The following ANK2 variants were observed in gnomAD, a reference collection of about 807,000 sequenced individuals.
ANK2 encodes ankyrin 2.
Under a neutral mutation model 360.5 loss-of-function variants are expected in ANK2, and 83 were observed. The ratio of observed to expected loss-of-function variants is 0.23; its 90% CI spans 0.19 to 0.28. The LOEUF is 0.28. Ranked by LOEUF, ANK2 falls within the 10% of genes least tolerant of loss-of-function variation. The pLI, the probability that ANK2 is intolerant of heterozygous loss-of-function variation, is 1.00. For missense variants in ANK2, 4,201 were observed against 4,795.7 expected (o/e 0.88, Z 3.66); for synonymous variants, 1,740 against 1,759.5 (o/e 0.99, Z 0.28).
chr4:112,823,599 A>C (rs2057716066), intron 1 of ANK2, among the ~76,000 whole-genome samples: 1 of 151,668 alleles, frequency 6.6e-6, no homozygotes, highest in Non-Finnish European at 1.5e-5. Context: ...AAAGTTCAGT[A>C]AAGTGAATAG....
intron 32 of ANK2, among the ~76,000 whole-genome samples, chr4:113,339,585 A>G (rs1001177078): frequency 6.6e-6 from 1 of 152,214 alleles, no homozygotes; most frequent in Non-Finnish European, 1.5e-5. Context: ...TGACTTAGTC[A>G]GTAGCAGCTG....
intron 1 of ANK2, among the ~76,000 whole-genome samples, chr4:112,833,648 C>T (rs575030359): frequency 1.3e-5 from 2 of 152,194 alleles, no homozygotes; most frequent in South Asian, 2.1e-4. Context: ...GGACCACAGG[C>T]GCCCGACACC....
chr4:112,918,453 ACT>A (rs2151129369), intron 2 of ANK2, among the ~76,000 whole-genome samples: 1 of 152,210 alleles, frequency 6.6e-6, no homozygotes, highest in Admixed American at 6.5e-5. Context: ...ACCCACTCTC[ACT>A]CTGAAAGTAA....
At chr4:113,315,003 C>T (rs1017692684) in intron 24 of ANK2, among the ~76,000 whole-genome samples, 5 of 149,062 alleles carry the variant, frequency 3.4e-5, no homozygotes, top group African/African-American at 1.3e-4. Flanking sequence ...TGTACATATC[C>T]TAATATCTTT....
At chr4:113,192,719 A>G (rs532628209) in intron 2 of ANK2, among the ~76,000 whole-genome samples, 12 of 152,208 alleles carry the variant, frequency 7.9e-5, no homozygotes, top group African/African-American at 2.9e-4. Flanking sequence ...TATATGTAAA[A>G]TGTAAAATAT....
chr4:112,930,637 C>T (rs1030650989), intron 2 of ANK2, among the ~76,000 whole-genome samples: 1 of 151,762 alleles, frequency 6.6e-6, no homozygotes, highest in Non-Finnish European at 1.5e-5. Context: ...GCCTGTAATC[C>T]CAGGACTTTG....
At chr4:112,864,780 A>C (rs532674787) in intron 1 of ANK2, among the ~76,000 whole-genome samples, 201 of 151,214 alleles carry the variant, frequency 1.3e-3, no homozygotes, top group Non-Finnish European at 1.4e-3. Context: ...AGCCTGTAAT[A>C]CTAGCACTTT....
intron 14 of ANK2, among the ~76,000 whole-genome samples, chr4:113,268,583 T>A (rs1238751677): frequency 6.6e-6 from 1 of 152,216 alleles, no homozygotes; most frequent in East Asian, 1.9e-4. Flanking sequence ...CAGTCCTGCA[T>A]CCCAGGGATG....
chr4:113,024,999 T>C (rs903629552), intron 2 of ANK2, among the ~76,000 whole-genome samples: 5 of 152,158 alleles, frequency 3.3e-5, no homozygotes, highest in Non-Finnish European at 7.4e-5. Flanking sequence ...TAGGATACCA[T>C]TGATTCATTA....
At chr4:113,344,014 A>AATTTTCCAGCAG (rs1373360135) in intron 34 of ANK2, among the ~76,000 whole-genome samples, 2 of 152,058 alleles carry the variant, frequency 1.3e-5, no homozygotes, top group Non-Finnish European at 2.9e-5. Flanking sequence ...ACCTCTTATT[A>AATTTTCCAGCAG]AGTTTTTCCA....
In ANK2 at chr4:112,857,564, A is replaced by G. The variant is rs76752717; in HGVS notation, c.-40+39300A>G. 4.6e-3 allele frequency among the ~76,000 whole-genome samples: 698 copies of G among 152,330 alleles called. 6 individuals are homozygous for G. The highest frequency in any genetic ancestry group is 0.016 in the African/African-American group (667 of 41,568). ...AGAGCATACTTGCCCAGAATTCCGC[A>G]TCATGGATATTCCAAGCCTTTCACA... On this transcript the variant is annotated intron_variant, in intron 1 of 30. Transcript: ENST00000503271.
At chr4:113,028,540 A>G (rs1561599783) in intron 2 of ANK2, among the ~76,000 whole-genome samples, 1 of 152,162 alleles carries the variant, frequency 6.6e-6, no homozygotes, top group Non-Finnish European at 1.5e-5. Context: ...TATAAGCACT[A>G]CAATAGAGAC....
intron 14 of ANK2, among the ~76,000 whole-genome samples, chr4:113,270,471 C>T (rs1424709678): frequency 6.6e-6 from 1 of 152,180 alleles, no homozygotes; most frequent in East Asian, 1.9e-4. Flanking sequence ...TACTTTTTTA[C>T]TTCTCTTTTG....
At position 113,358,839 on chromosome 4, in the gene ANK2, C is replaced by T; in HGVS notation, c.10221C>T (p.Thr3407=). 1 of 1,613,978 alleles carries T rather than the reference C, an allele frequency of 6.2e-7. No homozygotes were observed. Among genetic ancestry groups the T allele is most frequent in the South Asian group, 1.1e-5 (1 of 91,084 alleles). Residue 3407 remains threonine, a synonymous_variant, in exon 38 of 46, where the codon ACC becomes ACT. Coordinates refer to ENST00000357077, the MANE Select transcript of ANK2 (RefSeq NM_001148.6). ...LDSKTKCPVK[T]RSYTETETES... is the part of the protein sequence containing the mutation. ...CAAAGACCAAATGCCCAGTAAAAAC[C>T]CGAAGTTACACTGAGACAGAAACAG...
intron 28 of ANK2, among the ~76,000 whole-genome samples, chr4:113,332,638 C>T (rs1473652346): frequency 3.9e-5 from 6 of 152,194 alleles, no homozygotes; most frequent in South Asian, 2.1e-4. Flanking sequence ...TCCTCATTTA[C>T]GACACATCAA....
In ANK2 at chr4:113,232,247, C is replaced by T. The variant is rs1278047767; in HGVS notation, c.471C>T (p.Ser157=). The T allele has an allele frequency of 1.9e-6, 3 of 1,585,976 alleles. No individual in the cohort carries two copies. The highest frequency in any genetic ancestry group is 2.6e-6 in the Non-Finnish European group (3 of 1,154,692). Residue 157 remains serine, a synonymous_variant, in exon 5 of 46, where the codon AGC becomes AGT. Coordinates refer to ENST00000357077, the MANE Select transcript of ANK2 (RefSeq NM_001148.6). The part of the protein sequence containing the change: ...KYLLENGANQ[S]TATEDGFTPL... ...TGCTGGAAAATGGAGCTAATCAGAG[C>T]ACTGCTACAGAGGTAAGACTGTCAG... is the stretch of plus-strand genomic sequence containing the variant.
At chr4:112,891,211 A>C (rs931534900) in intron 1 of ANK2, among the ~76,000 whole-genome samples, 2 of 152,150 alleles carry the variant, frequency 1.3e-5, no homozygotes, top group African/African-American at 4.8e-5. Flanking sequence ...TACTTAAATC[A>C]AGATTCATGA....
chr4:112,733,936 G>A, the ANK2 span, among the ~76,000 whole-genome samples: 1 of 152,154 alleles, frequency 6.6e-6, no homozygotes, highest in East Asian at 1.9e-4. Context: ...CACCACACCC[G>A]GCTAATTTTT....
chr4:113,237,391 A>G (rs1489428650), intron 6 of ANK2, among the ~76,000 whole-genome samples: 1 of 152,232 alleles, frequency 6.6e-6, no homozygotes, highest in Non-Finnish European at 1.5e-5. Context: ...CTTTTTAGAA[A>G]TCTGCTTTCT....
Sources: allele counts gnomAD v4.1 joint callset (sites outside exome capture counted in the v4.1 genomes callset), GRCh38; gene constraint gnomAD v4.1.1; transcripts MANE v1.5; gene names NCBI Gene and HGNC (gene_info 2026-07-23, HGNC 2026-07-21).